MSRA: variants seen among roughly 807,000 people sequenced by gnomAD.
MSRA encodes mitochondrial peptide methionine sulfoxide reductase.
MSRA carries 54 observed loss-of-function variants against 31.3 expected under a neutral mutation model. That is an observed-to-expected ratio of 1.73 (90% CI 1.39 to 2.17). The LOEUF (loss-of-function observed/expected upper bound fraction) is 2.17. Among genes scored for constraint, MSRA ranks in the 30% most tolerant of loss-of-function variants. The pLI is 0.00. For synonymous variants in MSRA, 169 were observed against 116.5 expected, an observed-to-expected ratio of 1.45 and a Z score of -2.90; for missense variants, 507 against 300.9, an observed-to-expected ratio of 1.69 and a Z score of -5.07.
chr8:10,206,148 C>T (rs1808953100), intron 1 of MSRA, among the ~76,000 whole-genome samples: 1 of 152,126 alleles, frequency 6.6e-6, no homozygotes, highest in African/African-American at 2.4e-5. Context: ...TTTTCCAAAC[C>T]ACTGACAGGG....
At chr8:10,370,210 C>T (rs1485463794) in intron 5 of MSRA, among the ~76,000 whole-genome samples, 2 of 152,126 alleles carry the variant, frequency 1.3e-5, no homozygotes, top group Admixed American at 1.3e-4. Context: ...CCATTATGTT[C>T]AAAGAAATGA....
chr8:10,193,654 G>A (rs1342503637), intron 1 of MSRA, among the ~76,000 whole-genome samples: 1 of 152,090 alleles, frequency 6.6e-6, no homozygotes, highest in African/African-American at 2.4e-5. Flanking sequence ...TCATAGAAAG[G>A]CAAGTGTAAA....
At chr8:10,417,958 C>A (rs545579507) in intron 5 of MSRA, among the ~76,000 whole-genome samples, 2 of 152,046 alleles carry the variant, frequency 1.3e-5, no homozygotes, top group Non-Finnish European at 2.9e-5. Context: ...TCCACATGCC[C>A]GCGTCCTGCC....
At chr8:10,329,778 ACT>A (rs1563357884) in intron 5 of MSRA, among the ~76,000 whole-genome samples, 1 of 144,484 alleles carries the variant, frequency 6.9e-6, no homozygotes, top group African/African-American at 2.6e-5. Flanking sequence ...CCCAGAACAC[ACT>A]CAGGTTTCCC....
intron 1 of MSRA, among the ~76,000 whole-genome samples, chr8:10,166,161 GAGGT>G (rs1805102748): frequency 6.6e-6 from 1 of 152,214 alleles, no homozygotes; most frequent in South Asian, 2.1e-4. Flanking sequence ...CACTGGGTAT[GAGGT>G]GGGTGGGTAT....
At chr8:10,293,099 C>G (rs1800334924) in intron 3 of MSRA, among the ~76,000 whole-genome samples, 1 of 152,124 alleles carries the variant, frequency 6.6e-6, no homozygotes, top group Non-Finnish European at 1.5e-5. Flanking sequence ...GACATAGGAG[C>G]ATTTACCCCA....
intron 5 of MSRA, among the ~76,000 whole-genome samples, chr8:10,377,103 A>T (rs1283409174): frequency 6.6e-6 from 1 of 152,254 alleles, no homozygotes; most frequent in Non-Finnish European, 1.5e-5. Flanking sequence ...AATTCACGTT[A>T]TGCAGCTGGG....
chr8:10,207,842 A>G lies in MSRA; in HGVS notation c.152A>G (p.His51Arg), dbSNP rs1809131549. The G allele has an allele frequency of 3.7e-6, 6 of 1,609,554 alleles. No individual in the cohort carries two copies. Among genetic ancestry groups the G allele is most frequent in the Non-Finnish European group, 5.1e-6 (6 of 1,178,304 alleles). ...KEQTPVAAKH[H>R]VNGNRTVEPF... Reference sequence around the variant, plus strand: ...TTTTTTTTTTTTCTAGCCAAACATCATGTCAATGGCAACAGAACAGTCGAA... The same window carrying G: ...TTTTTTTTTTTTCTAGCCAAACATCGTGTCAATGGCAACAGAACAGTCGAA... Residue 51 changes from histidine to arginine, a missense_variant, in exon 2 of 6, where the codon CAT becomes CGT. Physicochemically the swap from His to Arg is conservative, Grantham distance 29. Transcript: ENST00000317173.
intron 1 of MSRA, among the ~76,000 whole-genome samples, chr8:10,146,506 G>A (rs748253197): frequency 6.6e-6 from 1 of 152,184 alleles, no homozygotes; most frequent in African/African-American, 2.4e-5. Context: ...AGTGGCTGCT[G>A]AGGGCCGAGG....
In MSRA at chr8:10,186,415, T is replaced by C. The variant is rs1585121226; in HGVS notation, c.143-21418T>C. ...TGTGTTCCCATTAAATTTTATTTAATGACACTCAAATTTGAATCTCTTAGA... is the reference window on the plus strand; with the variant it reads ...TGTGTTCCCATTAAATTTTATTTAACGACACTCAAATTTGAATCTCTTAGA... On this transcript the variant is annotated intron_variant, in intron 1 of 5. Coordinates refer to ENST00000317173, the MANE Select transcript of MSRA (RefSeq NM_012331.5). Among the ~76,000 whole-genome samples the C allele has an allele frequency of 2.0e-5, 3 of 152,202 alleles. No individual in the cohort carries two copies. In the East Asian group the frequency reaches 5.8e-4, roughly 29 times the overall value.
chr8:10,267,745 C>A (rs1798821617), intron 3 of MSRA, among the ~76,000 whole-genome samples: 1 of 152,174 alleles, frequency 6.6e-6, no homozygotes, highest in Non-Finnish European at 1.5e-5. Flanking sequence ...ATTTCGCTAT[C>A]TGCCAGAAGG....
intron 1 of MSRA, among the ~76,000 whole-genome samples, chr8:10,167,950 C>T (rs1300436726): frequency 6.6e-6 from 1 of 152,114 alleles, no homozygotes; most frequent in African/African-American, 2.4e-5. Flanking sequence ...ACATGGGTGG[C>T]CAGGAATGGA....
chr8:10,388,977 G>A (rs552649883), intron 5 of MSRA, among the ~76,000 whole-genome samples: 2 of 152,260 alleles, frequency 1.3e-5, no homozygotes, highest in East Asian at 3.9e-4. Context: ...TAGGGCACTG[G>A]AAGTATGGAG....
At chr8:10,297,274 T>C (rs1336645497) in intron 3 of MSRA, among the ~76,000 whole-genome samples, 2 of 152,144 alleles carry the variant, frequency 1.3e-5, no homozygotes, top group Non-Finnish European at 2.9e-5. Context: ...CCTCTGGGGC[T>C]GTGGGGTAAG....
intron 4 of MSRA, among the ~76,000 whole-genome samples, chr8:10,316,527 CCTCTCTCTCTCTCTCTCT>C (rs139421344): frequency 1.0e-3 from 115 of 112,632 alleles, no homozygotes; most frequent in East Asian, 4.8e-3. Context: ...TTTGATGATC[CCTCTCTCTCTCTCTCTCT>C]CTCTCTCTCT....
rs1266383387 is a variant in MSRA, at chr8:10,066,644, C to A, written c.142+11986C>A. Among the ~76,000 whole-genome samples, 4 of 152,306 alleles carry A rather than the reference C, an allele frequency of 2.6e-5. No individual in the cohort carries two copies. In the East Asian group the frequency reaches 7.7e-4, roughly 29 times the overall value. ...TGCCTCCCAGCTTCAAGTGATTGTT[C>A]TGCCTCAGCCTTCCGAGTAGATGGG... is the stretch of plus-strand genomic sequence containing the variant. On this transcript the variant is annotated intron_variant, in intron 1 of 5. Transcript: ENST00000317173.
chr8:10,197,613 T>C (rs1430954821), intron 1 of MSRA, among the ~76,000 whole-genome samples: 2 of 152,020 alleles, frequency 1.3e-5, no homozygotes, highest in African/African-American at 4.8e-5. Context: ...TGTGATGGGG[T>C]TTGGCTGAAA....
chr8:10,062,289 CTG>C (rs1563386441), intron 1 of MSRA, among the ~76,000 whole-genome samples: 2 of 152,206 alleles, frequency 1.3e-5, no homozygotes, highest in African/African-American at 4.8e-5. Flanking sequence ...CGGCAACCCT[CTG>C]GGGATGTATG....
intron 3 of MSRA, among the ~76,000 whole-genome samples, chr8:10,272,441 C>A (rs998828613): frequency 6.6e-6 from 1 of 152,216 alleles, no homozygotes; most frequent in Non-Finnish European, 1.5e-5. Context: ...TCAGCTCAAT[C>A]CTTCAAGCCG....
Sources: allele counts gnomAD v4.1 joint callset (sites outside exome capture counted in the v4.1 genomes callset), GRCh38; gene constraint gnomAD v4.1.1; transcripts MANE v1.5; gene names NCBI Gene and HGNC (gene_info 2026-07-23, HGNC 2026-07-21).